Variants in ABTB2 observed in about 807,000 individuals in gnomAD.
The protein encoded by ABTB2 is ankyrin repeat and BTB/POZ domain-containing protein 2.
A neutral mutation model predicts 104.1 loss-of-function variants in ABTB2; 56 were observed. The observed-to-expected ratio is 0.54, with a 90% CI of 0.43 to 0.67. The LOEUF (loss-of-function observed/expected upper bound fraction) is 0.67. Among genes scored for constraint, ABTB2 ranks in the 30% least tolerant of loss-of-function variants. The pLI, the probability that ABTB2 is intolerant of heterozygous loss-of-function variation, is 0.00. For synonymous variants in ABTB2, 606 were observed against 608.2 expected, an observed-to-expected ratio of 1.00 and a Z score of 0.05; for missense variants, 1,279 against 1,407.7, an observed-to-expected ratio of 0.91 and a Z score of 1.46.
chr11:34,183,023 C>G (rs1472932526), intron 3 of ABTB2, among the ~76,000 whole-genome samples: 1 of 152,166 alleles, frequency 6.6e-6, no homozygotes, highest in African/African-American at 2.4e-5. Context: ...GATTCTTCAC[C>G]TGGTGCTGGC....
chr11:34,264,626 C>T (rs906339018), intron 1 of ABTB2, among the ~76,000 whole-genome samples: 4 of 152,198 alleles, frequency 2.6e-5, no homozygotes, highest in South Asian at 2.1e-4. Flanking sequence ...GAAGCCCAAA[C>T]GGAGACTCAA....
chr11:34,229,249 G>A (rs549630752), intron 1 of ABTB2, among the ~76,000 whole-genome samples: 114 of 152,074 alleles, frequency 7.5e-4, no homozygotes, highest in African/African-American at 1.7e-3. Flanking sequence ...TTGGGAGGCC[G>A]AGGTGGGCGG....
intron 3 of ABTB2, among the ~76,000 whole-genome samples, chr11:34,191,799 T>C (rs1349860011): frequency 6.6e-6 from 1 of 152,142 alleles, no homozygotes; most frequent in Non-Finnish European, 1.5e-5. Context: ...GCCAACAAGG[T>C]CCGCCCACTT....
At position 34,354,301 on chromosome 11, in the gene ABTB2, G is replaced by A. The variant is rs897701979; in HGVS notation, c.883+2400C>T. Among the ~76,000 whole-genome samples the A allele has an allele frequency of 7.9e-5, 12 of 152,116 alleles. No individual in the cohort carries two copies. The East Asian group carries it at 1.7e-3, about 22-fold the overall frequency. ...GGATTAAGGAGGATTGTTTGGAAAG[G>A]GGGGGCAAGGAGGAGGTTAAAACAT... On this transcript the variant is annotated intron_variant, in intron 1 of 16. Transcript: ENST00000435224.
intron 1 of ABTB2, among the ~76,000 whole-genome samples, chr11:34,275,663 G>A (rs1229156376): frequency 6.6e-6 from 1 of 152,180 alleles, no homozygotes; most frequent in African/African-American, 2.4e-5. Context: ...CTTCCCTCGA[G>A]ATCATTTTCC....
intron 1 of ABTB2, among the ~76,000 whole-genome samples, chr11:34,285,684 A>G (rs1854497544): frequency 6.6e-6 from 1 of 152,112 alleles, no homozygotes; most frequent in Non-Finnish European, 1.5e-5. Flanking sequence ...GGATTTCAGT[A>G]TTTTTAAGAG....
Position 34,357,394 on chromosome 11 carries a change from G to A in ABTB2, c.190C>T (p.Arg64Cys). Residue 64 changes from arginine to cysteine, a missense_variant, in exon 1 of 17, where the codon CGC becomes TGC. Transcript: ENST00000435224. Reference sequence around the variant, plus strand: ...TTCACCGTGTCCCAGCTGTTGTGGCGGCTGTTCATGGAGCCGGAGTAGCAC... The same window carrying A: ...TTCACCGTGTCCCAGCTGTTGTGGCAGCTGTTCATGGAGCCGGAGTAGCAC... ...WWCYSGSMNS[R>C]HNSWDTVNTV... 1.3e-6 allele frequency: 2 copies of A among 1,544,946 alleles called. No individual in the cohort carries two copies. The highest frequency in any genetic ancestry group is 1.7e-6 in the Non-Finnish European group (2 of 1,143,180).
Position 34,165,333 on chromosome 11 carries a change from A to G in ABTB2, c.1779T>C (p.His593=). ...VVQLLLDAGA[H]VEGSAVNGGE... ...CGCCGTTCACTGCCGAGCCCTCGAC[A>G]TGGGCACCAGCATCCAGCAGCAACT... The change falls in exon 8 of 17, where the codon CAT becomes CAC. Residue 593 remains histidine, a synonymous_variant. Transcript: ENST00000435224. 1.9e-6 allele frequency: 3 copies of G among 1,587,296 alleles called. No individual in the cohort carries two copies. Among genetic ancestry groups the G allele is most frequent in the East Asian group, 2.3e-5 (1 of 43,022 alleles).
chr11:34,201,472 G>A (rs138698790), intron 2 of ABTB2, among the ~76,000 whole-genome samples: 52 of 152,226 alleles, frequency 3.4e-4, no homozygotes, highest in African/African-American at 9.9e-4. Flanking sequence ...AAATTTTTGC[G>A]GGTAGAGAGG....
rs1854485676 is a variant in ABTB2 at position 34,284,853 on chromosome 11, C to T, written c.883+71848G>A. ...CCTGCACACACCCCACCTGATACCGCCTGGAGCCAGAGGGGTGTTAATGAG... is the reference window on the plus strand; with the variant it reads ...CCTGCACACACCCCACCTGATACCGTCTGGAGCCAGAGGGGTGTTAATGAG... On this transcript the variant is annotated intron_variant, in intron 1 of 16. Coordinates refer to ENST00000435224, the MANE Select transcript of ABTB2 (RefSeq NM_145804.3). Among the ~76,000 whole-genome samples the T allele has an allele frequency of 2.0e-5, 3 of 152,372 alleles. No individual in the cohort carries two copies. In the South Asian group the frequency reaches 6.2e-4, roughly 32 times the overall value.
At chr11:34,152,616 A>C (rs1217400945) in intron 16 of ABTB2, 32 bp from the exon 17 acceptor site, 3 of 1,586,950 alleles carry the variant, frequency 1.9e-6, no homozygotes, top group Non-Finnish European at 2.6e-6. Context: ...GGTGAAGCCC[A>C]TCGCCTTAGT....
chr11:34,274,932 G>A (rs1196062262), intron 1 of ABTB2, among the ~76,000 whole-genome samples: 3 of 152,198 alleles, frequency 2.0e-5, no homozygotes, highest in African/African-American at 7.2e-5. Context: ...GATGACGTCA[G>A]TGGAGAGAAC....
intron 1 of ABTB2, among the ~76,000 whole-genome samples, chr11:34,354,722 G>A (rs1281147611): frequency 1.3e-5 from 2 of 152,224 alleles, no homozygotes; most frequent in Admixed American, 1.3e-4. Flanking sequence ...TTCTCAATGT[G>A]CTGGGCACCT....
intron 1 of ABTB2, among the ~76,000 whole-genome samples, chr11:34,312,418 G>T (rs1049462282): frequency 6.6e-6 from 1 of 152,180 alleles, no homozygotes; most frequent in African/African-American, 2.4e-5. Context: ...GACTGCTGTA[G>T]GGGGTCACCT....
intron 3 of ABTB2, among the ~76,000 whole-genome samples, chr11:34,195,962 G>A (rs558405652): frequency 2.6e-5 from 4 of 152,154 alleles, no homozygotes; most frequent in Non-Finnish European, 5.9e-5. Flanking sequence ...GTCTCAGATC[G>A]TCTCCCTCCA....
At position 34,152,440 on chromosome 11, in the gene ABTB2, G is replaced by GCAGGTCCTGCAGTGGATC. The variant is rs765555625; in HGVS notation, c.3007_3024dup (p.Asp1003_Leu1008dup). 111 of 1,596,688 alleles carry GCAGGTCCTGCAGTGGATC rather than the reference G, an allele frequency of 7.0e-5. No individual in the cohort carries two copies. Among genetic ancestry groups the GCAGGTCCTGCAGTGGATC allele is most frequent in the Non-Finnish European group, 8.9e-5 (104 of 1,173,054 alleles). The stretch of plus-strand genomic sequence containing the variant: ...TGCACGCGCTCTGCCAGGGTGTTCT[G>GCAGGTCCTGCAGTGGATC]CAGGTCCTGCAGTGGATCCAGGCCC... On this transcript the variant is annotated inframe_insertion, in exon 17 of 17. Transcript: ENST00000435224.
At chr11:34,329,930 AG>A (rs1376691157) in intron 1 of ABTB2, among the ~76,000 whole-genome samples, 2 of 152,246 alleles carry the variant, frequency 1.3e-5, no homozygotes, top group Non-Finnish European at 2.9e-5. Context: ...TAAATTACTT[AG>A]GAAATGAGAA....
intron 1 of ABTB2, among the ~76,000 whole-genome samples, chr11:34,263,172 C>T (rs1324389172): frequency 6.6e-6 from 1 of 151,930 alleles, no homozygotes; most frequent in Non-Finnish European, 1.5e-5. Flanking sequence ...AGAAATGCTG[C>T]TTTTGGTGGG....
chr11:34,185,197 T>G (rs1814471473), intron 3 of ABTB2, among the ~76,000 whole-genome samples: 1 of 152,212 alleles, frequency 6.6e-6, no homozygotes, highest in African/African-American at 2.4e-5. Flanking sequence ...TAGAAACTTC[T>G]AGGAAGAAGC....
Sources: gnomAD v4.1 joint callset for allele counts (sites outside exome capture counted in the v4.1 genomes callset) on GRCh38, gnomAD v4.1.1 for gene constraint, MANE v1.5 for transcripts, NCBI Gene and HGNC (gene_info 2026-07-23, HGNC 2026-07-21) for gene names.